The following INPP4B variants were observed in gnomAD, a reference collection of about 807,000 sequenced individuals.
INPP4B encodes the protein inositol polyphosphate 4-phosphatase type II.
In INPP4B, 55 loss-of-function variants were observed where a neutral mutation model predicts 122.5. That is an observed-to-expected ratio of 0.45 (90% CI 0.36 to 0.56). The LOEUF (loss-of-function observed/expected upper bound fraction) is 0.56. Ranked by LOEUF, INPP4B falls within the 20% of genes least tolerant of loss-of-function variation. The pLI is 0.00. For missense variants in INPP4B, 1,000 were observed against 1,097.7 expected (o/e 0.91, Z 1.26); for synonymous variants, 403 against 388.7 (o/e 1.04, Z -0.43).
chr4:142,397,573 C>T (rs930714196), intron 7 of INPP4B, among the ~76,000 whole-genome samples: 13 of 152,274 alleles, frequency 8.5e-5, no homozygotes, highest in Non-Finnish European at 1.5e-4. Context: ...GGTGTGATGA[C>T]TCGTGCCTGT....
chr4:142,631,604 G>C (rs1747968495), intron 2 of INPP4B, among the ~76,000 whole-genome samples: 1 of 151,966 alleles, frequency 6.6e-6, no homozygotes, highest in African/African-American at 2.4e-5. Flanking sequence ...AAAACTGGAA[G>C]CATGACAAAT....
intron 11 of INPP4B, among the ~76,000 whole-genome samples, chr4:142,257,773 C>A (rs1478155525): frequency 2.6e-5 from 4 of 152,146 alleles, no homozygotes; most frequent in African/African-American, 7.2e-5. Context: ...AATGGCCATA[C>A]TGCCCAAGGT....
chr4:142,336,698 C>T (rs925413419), intron 7 of INPP4B, among the ~76,000 whole-genome samples: 3 of 152,220 alleles, frequency 2.0e-5, no homozygotes, highest in Non-Finnish European at 2.9e-5. Flanking sequence ...AATTGTAGCA[C>T]GTTGGGCCCA....
chr4:142,666,375 T>A, intron 2 of INPP4B, among the ~76,000 whole-genome samples: 1 of 151,898 alleles, frequency 6.6e-6, no homozygotes, highest in East Asian at 1.9e-4. Context: ...AATACAAAGA[T>A]AAAAAAGAGT....
chr4:142,126,485 A>G (rs931017800), intron 18 of INPP4B, among the ~76,000 whole-genome samples: 9 of 152,282 alleles, frequency 5.9e-5, no homozygotes, highest in South Asian at 2.1e-4. Context: ...TAATAAAAAG[A>G]TACATTCTTA....
chr4:142,131,756 G>A (rs1399307005), intron 18 of INPP4B, among the ~76,000 whole-genome samples: 2 of 152,178 alleles, frequency 1.3e-5, no homozygotes, highest in African/African-American at 2.4e-5. Flanking sequence ...GGGAGTTCGA[G>A]ACCAGCCTGA....
chr4:142,443,269 A>G (rs1478980750), intron 3 of INPP4B, among the ~76,000 whole-genome samples: 1 of 152,108 alleles, frequency 6.6e-6, no homozygotes, highest in African/African-American at 2.4e-5. Context: ...CCTCACCCAA[A>G]TGCCCATGAG....
rs56945961 is a variant in INPP4B, at chr4:142,244,287, C to CTTTTTTT, written c.689-6283_689-6277dup. On this transcript the variant is annotated intron_variant, in intron 11 of 25. Transcript: ENST00000262992. Reference sequence around the variant, plus strand: ...ATGGTATTCCATGGTGTATATGTGCCTTTTTTTTTTTTTTTTTTTTTTTTT... The same window carrying CTTTTTTT: ...ATGGTATTCCATGGTGTATATGTGCCTTTTTTTTTTTTTTTTTTTTTTTTTTTTTTTT... Among the ~76,000 whole-genome samples the CTTTTTTT allele has an allele frequency of 1.2e-3, 85 of 73,758 alleles. 5 individuals carry two copies. The highest frequency in any genetic ancestry group is 4.5e-3 in the African/African-American group (81 of 18,172). The allele number at this position is 73,758 out of a possible 152,430, so 48.4% of individuals were successfully genotyped here. A position where few individuals can be genotyped will look rare whatever the true frequency, so the allele number is the denominator to read the frequency against.
intron 25 of INPP4B, among the ~76,000 whole-genome samples, chr4:142,065,234 AACACACACACAC>A (rs36228246): frequency 1.3e-5 from 2 of 149,536 alleles, no homozygotes; most frequent in Non-Finnish European, 3.0e-5. Flanking sequence ...GAATGAGGCC[AACACACACACAC>A]ACACACACAC....
intron 2 of INPP4B, among the ~76,000 whole-genome samples, chr4:142,606,317 A>G (rs1467458335): frequency 6.6e-6 from 1 of 151,936 alleles, no homozygotes; most frequent in African/African-American, 2.4e-5. Flanking sequence ...GATAGAAGAA[A>G]TAAGTTCAAA....
intron 2 of INPP4B, among the ~76,000 whole-genome samples, chr4:142,635,190 T>A (rs1367870470): frequency 6.6e-6 from 1 of 151,892 alleles, no homozygotes; most frequent in Admixed American, 6.6e-5. Flanking sequence ...TGGCTATTAT[T>A]AAAAAGTTAA....
chr4:142,195,017 A>G (rs1202669593), intron 14 of INPP4B, among the ~76,000 whole-genome samples: 1 of 152,258 alleles, frequency 6.6e-6, no homozygotes, highest in African/African-American at 2.4e-5. Context: ...AAGACAAATT[A>G]TCATGACAAT....
At chr4:142,798,834 A>G (rs1777622420) in intron 1 of INPP4B, among the ~76,000 whole-genome samples, 1 of 141,194 alleles carries the variant, frequency 7.1e-6, no homozygotes. Context: ...ATGTGTATGT[A>G]TGTGTATATG....
intron 2 of INPP4B, among the ~76,000 whole-genome samples, chr4:142,465,233 T>G (rs1817541360): frequency 6.6e-6 from 1 of 152,308 alleles, no homozygotes; most frequent in African/African-American, 2.4e-5. Context: ...AGCCTGAGTC[T>G]TTCAGACTTT....
chr4:142,453,928 A>C (rs1038427081), intron 3 of INPP4B, among the ~76,000 whole-genome samples: 2 of 152,170 alleles, frequency 1.3e-5, no homozygotes, highest in Non-Finnish European at 2.9e-5. Context: ...TGAGCAACTC[A>C]TGGGACTAGA....
At chr4:142,795,285 T>C (rs1003784894) in intron 1 of INPP4B, 1 of 151,970 alleles carries the variant, frequency 6.6e-6, no homozygotes, top group Non-Finnish European at 1.5e-5. Context: ...AAGGAAACTG[T>C]AGCCACAAAC....
At chr4:142,176,503 A>C (rs1259438504) in intron 15 of INPP4B, among the ~76,000 whole-genome samples, 1 of 152,110 alleles carries the variant, frequency 6.6e-6, no homozygotes, top group African/African-American at 2.4e-5. Context: ...ATTTTCCTGA[A>C]TATTACTACT....
chr4:142,489,489 G>A (rs986430954), intron 2 of INPP4B, among the ~76,000 whole-genome samples: 2 of 152,160 alleles, frequency 1.3e-5, no homozygotes, highest in Non-Finnish European at 2.9e-5. Flanking sequence ...TGCCTCCTGG[G>A]TTCAGGCAAT....
chr4:142,836,410 G>T (rs939620590), intron 1 of INPP4B, among the ~76,000 whole-genome samples: 2 of 152,176 alleles, frequency 1.3e-5, no homozygotes, highest in African/African-American at 4.8e-5. Context: ...CTAGGTGAGA[G>T]TGTGTGAGTG....
Sources: gnomAD v4.1 joint callset for allele counts (sites outside exome capture counted in the v4.1 genomes callset) on GRCh38, gnomAD v4.1.1 for gene constraint, MANE v1.5 for transcripts, NCBI Gene and HGNC (gene_info 2026-07-23, HGNC 2026-07-21) for gene names.